The following ZCCHC2 variants were observed in gnomAD, a reference collection of about 807,000 sequenced individuals.
ZCCHC2 encodes zinc finger CCHC-type containing 2, also known as zinc finger CCHC domain-containing protein 2.
In ZCCHC2, 39 loss-of-function variants were observed where a neutral mutation model predicts 103.6. The ratio of observed to expected loss-of-function variants is 0.38; its 90% CI spans 0.29 to 0.49. The LOEUF is 0.49. Among genes scored for constraint, ZCCHC2 ranks in the 20% least tolerant of loss-of-function variants. The pLI is 0.96. For missense variants in ZCCHC2, 1,483 were observed against 1,491.0 expected, an observed-to-expected ratio of 0.99 and a Z score of 0.09; for synonymous variants, 687 against 608.9, an observed-to-expected ratio of 1.13 and a Z score of -1.89.
downstream of ZCCHC2, among the ~76,000 whole-genome samples, chr18:62,583,288 T>C (rs1025984387): frequency 6.6e-6 from 1 of 152,196 alleles, no homozygotes; most frequent in African/African-American, 2.4e-5. Context: ...TTAAACCTAG[T>C]TGGAAAGCTT....
Position 62,524,261 on chromosome 18 carries a change from C to G in ZCCHC2, c.837C>G (p.Thr279=). ...HPAFSFHQRV[T]LREHLERLRA... The stretch of plus-strand genomic sequence containing the variant: ...CTTTCTCCTTCCACCAGCGGGTCAC[C>G]CTGAGGGAACACTTGGAGAGGCTCC... Residue 279 remains threonine (T), a synonymous_variant, in exon 1 of 14, where the codon ACC becomes ACG. Coordinates refer to ENST00000269499, the MANE Select transcript of ZCCHC2 (RefSeq NM_017742.6). The G allele has an allele frequency of 6.5e-7, 1 of 1,550,112 alleles. No individual in the cohort carries two copies. The highest frequency in any genetic ancestry group is 8.7e-7 in the Non-Finnish European group (1 of 1,146,690).
intron 11 of ZCCHC2, among the ~76,000 whole-genome samples, chr18:62,568,478 T>G (rs549880120): frequency 6.6e-6 from 1 of 152,316 alleles, no homozygotes; most frequent in East Asian, 1.9e-4. Context: ...TTAGTATAGA[T>G]TTAGATTTAT....
chr18:62,549,580 A>G (rs1200716346), intron 4 of ZCCHC2, among the ~76,000 whole-genome samples: 3 of 152,246 alleles, frequency 2.0e-5, no homozygotes, highest in African/African-American at 7.2e-5. Flanking sequence ...AATAGGACAG[A>G]TTAGTTATCA....
At chr18:62,543,781 A>T (rs1462249522) in intron 3 of ZCCHC2, among the ~76,000 whole-genome samples, 1 of 152,122 alleles carries the variant, frequency 6.6e-6, no homozygotes, top group Non-Finnish European at 1.5e-5. Context: ...TTATATATTC[A>T]CTTGGCTTTG....
rs541001667 is a variant in ZCCHC2, at chr18:62,549,506, G to A, written c.1201-842G>A. Among the ~76,000 whole-genome samples the A allele has an allele frequency of 6.6e-5, 10 of 152,304 alleles. No individual in the cohort carries two copies. The South Asian group carries it at 1.9e-3, about 28-fold the overall frequency. On this transcript the variant is annotated intron_variant, in intron 4 of 13. Coordinates refer to ENST00000269499, the MANE Select transcript of ZCCHC2 (RefSeq NM_017742.6). ...AAATCAACAATTTGTATAGATTTTT[G>A]TATTCCTGTGGCTTCTCAGATATTG...
intron 11 of ZCCHC2, among the ~76,000 whole-genome samples, chr18:62,566,318 G>T (rs539972195): frequency 2.6e-5 from 4 of 152,314 alleles, no homozygotes; most frequent in Middle Eastern, 3.4e-3. Context: ...GGAAGTGGGA[G>T]TAAAATAACA....
At chr18:62,562,915 A>G in intron 8 of ZCCHC2, 94 bp from the exon 9 acceptor site, 2 of 1,413,134 alleles carry the variant, frequency 1.4e-6, no homozygotes, top group Non-Finnish European at 1.9e-6. Flanking sequence ...AAACTAATAT[A>G]TTGAAGAAAG....
At chr18:62,550,525 G>A in intron 5 of ZCCHC2, 65 bp downstream of exon 5, 1 of 1,151,240 alleles carries the variant, frequency 8.7e-7, no homozygotes, top group South Asian at 1.4e-5. Flanking sequence ...CTCCAAATGG[G>A]GTCTTCAGGT....
At chr18:62,540,132 C>T (rs1915111526) in intron 2 of ZCCHC2, among the ~76,000 whole-genome samples, 1 of 152,134 alleles carries the variant, frequency 6.6e-6, no homozygotes, top group South Asian at 2.1e-4. Context: ...TCAGTGTCTA[C>T]TGAGAAAATG....
chr18:62,559,758 G>T (rs987486750), intron 7 of ZCCHC2, among the ~76,000 whole-genome samples: 4 of 152,152 alleles, frequency 2.6e-5, no homozygotes, highest in East Asian at 3.8e-4. Flanking sequence ...TAATGTCTTT[G>T]TACTAGGTAG....
chr18:62,531,791 TAAAAAAAA>T (rs11315078), intron 1 of ZCCHC2, among the ~76,000 whole-genome samples: 10 of 113,482 alleles, frequency 8.8e-5, no homozygotes, highest in African/African-American at 2.7e-4. Context: ...CTACAAAAAG[TAAAAAAAA>T]AAAAAAAAAA....
chr18:62,529,888 A>G (rs961034338), intron 1 of ZCCHC2, among the ~76,000 whole-genome samples: 1 of 152,236 alleles, frequency 6.6e-6, no homozygotes, highest in Non-Finnish European at 1.5e-5. Context: ...AAAATATTGC[A>G]CGTGTACTGA....
chr18:62,528,987 C>T (rs1353389000), intron 1 of ZCCHC2, among the ~76,000 whole-genome samples: 1 of 151,922 alleles, frequency 6.6e-6, no homozygotes, highest in Non-Finnish European at 1.5e-5. Context: ...AGGTGAAACC[C>T]TATCTCTACT....
intron 4 of ZCCHC2, among the ~76,000 whole-genome samples, chr18:62,545,327 A>G (rs962476382): frequency 2.0e-5 from 3 of 152,270 alleles, no homozygotes; most frequent in Admixed American, 1.3e-4. Context: ...CTGCAGAACC[A>G]GATGAGGCTT....
chr18:62,550,213 A>G, intron 4 of ZCCHC2, 135 bp from the exon 5 acceptor site: 1 of 652,242 alleles, frequency 1.5e-6, no homozygotes, highest in Non-Finnish European at 2.6e-6. Flanking sequence ...GATGTTGTGA[A>G]GATTTGGAAA....
intron 11 of ZCCHC2, among the ~76,000 whole-genome samples, chr18:62,565,854 A>G (rs1916341353): frequency 6.6e-6 from 1 of 152,206 alleles, no homozygotes; most frequent in Non-Finnish European, 1.5e-5. Flanking sequence ...AATAACCAGA[A>G]TCTATTTCTT....
At chr18:62,564,445 A>G in intron 9 of ZCCHC2, 126 bp from the exon 10 acceptor site, 1 of 636,538 alleles carries the variant, frequency 1.6e-6, no homozygotes, top group Admixed American at 3.9e-5. Context: ...CTTCAAAAAT[A>G]GGTTGGAAAT....
At chr18:62,556,894 A>G (rs779073287) in intron 6 of ZCCHC2, among the ~76,000 whole-genome samples, 13 of 152,168 alleles carry the variant, frequency 8.5e-5, no homozygotes, top group Non-Finnish European at 1.9e-4. Flanking sequence ...TATCACAAGG[A>G]TAAATGTGTT....
At chr18:62,524,790 T>G in intron 1 of ZCCHC2, 1 of 170,548 alleles carries the variant, frequency 5.9e-6, no homozygotes, top group Non-Finnish European at 1.2e-5. Flanking sequence ...GCGCCGTCCT[T>G]CCCCGCCTGC....
Sources: gnomAD v4.1 joint callset for allele counts (sites outside exome capture counted in the v4.1 genomes callset) on GRCh38, gnomAD v4.1.1 for gene constraint, MANE v1.5 for transcripts, NCBI Gene and HGNC (gene_info 2026-07-23, HGNC 2026-07-21) for gene names.